Variants in USP39 observed in about 807,000 individuals in gnomAD.
USP39 encodes ubiquitin specific peptidase 39.
Under a neutral mutation model 66.4 loss-of-function variants are expected in USP39, and 38 were observed. The ratio of observed to expected loss-of-function variants is 0.57; its 90% CI spans 0.44 to 0.75. The LOEUF is 0.75. USP39 is among the 30% of genes least tolerant of loss of function. The pLI, the probability that USP39 is intolerant of heterozygous loss-of-function variation, is 0.00. For synonymous variants in USP39, 303 were observed against 274.6 expected (o/e 1.10, Z -1.02); for missense variants, 608 against 714.4 (o/e 0.85, Z 1.70).
At chr2:85,631,048 T>C in intron 6 of USP39, 102 bp downstream of exon 6, 1 of 1,061,186 alleles carries the variant, frequency 9.4e-7, no homozygotes, top group Non-Finnish European at 1.4e-6. Flanking sequence ...GGAGTCTCAC[T>C]CTGTCACCCA....
At chr2:85,640,954 G>T in intron 9 of USP39, 22 bp from the exon 10 acceptor site, 1 of 1,587,204 alleles carries the variant, frequency 6.3e-7, no homozygotes, top group Non-Finnish European at 8.5e-7. Context: ...ACTAATTTGA[G>T]AATTTTCTTT....
Position 85,648,814 on chromosome 2 carries a change from G to T in USP39, c.*6G>T. 2 of 1,614,110 alleles carry T rather than the reference G, an allele frequency of 1.2e-6. No individual in the cohort carries two copies. Among genetic ancestry groups the T allele is most frequent in the East Asian group, 4.5e-5 (2 of 44,886 alleles). On this transcript the variant is annotated 3_prime_UTR_variant, in exon 13 of 13. Coordinates refer to ENST00000323701, the MANE Select transcript of USP39 (RefSeq NM_006590.4). Reference sequence around the variant, plus strand: ...CCAACCAGCAGGGGGCTTGAAGGAGGCGTCTAGGGCTTTGCTCCCAAGGGC... The same window carrying T: ...CCAACCAGCAGGGGGCTTGAAGGAGTCGTCTAGGGCTTTGCTCCCAAGGGC...
intron 4 of USP39, 140 bp downstream of exon 4, chr2:85,623,922 A>G: frequency 2.2e-6 from 2 of 926,296 alleles, no homozygotes; most frequent in Non-Finnish European, 3.2e-6. Flanking sequence ...TTTGGGAAGA[A>G]CTGGGGAAAC....
chr2:85,643,091 T>A (rs13009914), intron 10 of USP39, among the ~76,000 whole-genome samples: 31,739 of 149,002 alleles, frequency 0.21, 3,558 homozygotes, highest in Non-Finnish European at 0.27. Context: ...AAAAAAAAAA[T>A]GAATAGTTTG....
chr2:85,635,357 C>T (rs1244184844), intron 6 of USP39, among the ~76,000 whole-genome samples: 7 of 152,022 alleles, frequency 4.6e-5, no homozygotes, highest in African/African-American at 1.4e-4. Flanking sequence ...GTCAAGAGTT[C>T]GAGACCGGCC....
chr2:85,634,872 C>T (rs949987359), intron 6 of USP39, among the ~76,000 whole-genome samples: 19 of 152,276 alleles, frequency 1.2e-4, no homozygotes, highest in African/African-American at 4.3e-4. Flanking sequence ...GGCCTGTCAG[C>T]TTTTGGCAGC....
Position 85,630,807 on chromosome 2 carries a change from G to A in USP39, c.810G>A (p.Met270Ile), listed in dbSNP as rs1172277229. The A allele has an allele frequency of 6.2e-7, 1 of 1,614,208 alleles. No homozygotes were observed. Residue 270 changes from methionine (M) to isoleucine (I), a missense_variant, in exon 6 of 13, where the codon ATG becomes ATA. Coordinates refer to ENST00000323701, the MANE Select transcript of USP39 (RefSeq NM_006590.4). ...KNIKRPPGDI[M>I]FLLVQRFGEL... Reference sequence around the variant, plus strand: ...TCAAACGTCCTCCAGGGGATATCATGTTCTTGTTGGTCCAGCGTTTTGGAG... The same window carrying A: ...TCAAACGTCCTCCAGGGGATATCATATTCTTGTTGGTCCAGCGTTTTGGAG...
intron 1 of USP39, chr2:85,606,799 T>G (rs1401501445): frequency 2.0e-5 from 3 of 151,226 alleles, no homozygotes; most frequent in Non-Finnish European, 4.4e-5. Context: ...TTTTTTTTTT[T>G]GAGATGGAGT....
intron 6 of USP39, among the ~76,000 whole-genome samples, 181 bp downstream of exon 6, chr2:85,631,127 G>A (rs1675295837): frequency 6.6e-6 from 1 of 151,718 alleles, no homozygotes; most frequent in African/African-American, 2.4e-5. Flanking sequence ...CGATTCTCCC[G>A]CTTCAGCCTC....
intron 12 of USP39, among the ~76,000 whole-genome samples, 180 bp downstream of exon 12, chr2:85,648,196 A>G (rs188148337): frequency 1.3e-5 from 2 of 152,282 alleles, no homozygotes; most frequent in Admixed American, 1.3e-4. Context: ...TCAAGCAGAG[A>G]TTTTCAGAAA....
At chr2:85,627,610 C>A (rs1477184453) in intron 5 of USP39, among the ~76,000 whole-genome samples, 1 of 150,166 alleles carries the variant, frequency 6.7e-6, no homozygotes, top group Admixed American at 6.6e-5. Context: ...GGCAACATAG[C>A]GAGACCCTGT....
At chr2:85,636,840 C>T (rs1455633848) in intron 7 of USP39, among the ~76,000 whole-genome samples, 3 of 152,178 alleles carry the variant, frequency 2.0e-5, no homozygotes, top group African/African-American at 7.2e-5. Context: ...CCCTCTCTAC[C>T]AGGTGTCTTC....
chr2:85,609,100 C>G, upstream of USP39: 2 of 1,609,508 alleles, frequency 1.2e-6, no homozygotes, highest in Non-Finnish European at 1.7e-6. Context: ...GGCTCAGGGC[C>G]TGGCCTCTTC....
At chr2:85,609,611 A>G (rs1329122156), upstream of USP39, 1 of 1,613,454 alleles carries the variant, frequency 6.2e-7, no homozygotes. Context: ...CACAGTAAGA[A>G]AGAAGAGGGG....
At chr2:85,626,724 T>G (rs1043649325) in intron 5 of USP39, among the ~76,000 whole-genome samples, 1 of 151,762 alleles carries the variant, frequency 6.6e-6, no homozygotes, top group Non-Finnish European at 1.5e-5. Context: ...TATTTTCTTT[T>G]TTTTTTTTTT....
intron 5 of USP39, among the ~76,000 whole-genome samples, chr2:85,628,026 G>C (rs536632436): frequency 1.3e-5 from 2 of 152,024 alleles, no homozygotes; most frequent in Admixed American, 6.6e-5. Flanking sequence ...AACTGTAAAG[G>C]CATATTTTTT....
At chr2:85,607,279 T>C (rs974617538), upstream of USP39, 2 of 152,246 alleles carry the variant, frequency 1.3e-5, no homozygotes, top group Admixed American at 1.3e-4. Flanking sequence ...ACTGGTTCTC[T>C]GACCAGGAAG....
chr2:85,612,313 A>G (rs1469235295), upstream of USP39: 18 of 1,535,906 alleles, frequency 1.2e-5, no homozygotes, highest in Non-Finnish European at 1.6e-5. Context: ...CAAATCATCT[A>G]TAACACAACT....
chr2:85,603,860 TG>T (rs1338723224), intron 1 of USP39, among the ~76,000 whole-genome samples: 1 of 152,228 alleles, frequency 6.6e-6, no homozygotes, highest in Non-Finnish European at 1.5e-5. Context: ...CCCAAAGTGC[TG>T]GGATTACAGG....
Sources: gnomAD v4.1 joint callset for allele counts (sites outside exome capture counted in the v4.1 genomes callset) on GRCh38, gnomAD v4.1.1 for gene constraint, MANE v1.5 for transcripts, NCBI Gene and HGNC (gene_info 2026-07-23, HGNC 2026-07-21) for gene names.